Variants in GLIPR1L1 observed in about 807,000 individuals in gnomAD.
GLIPR1L1 encodes the protein GLIPR1 like 1, also known as GLIPR1-like protein 1.
Under a neutral mutation model 29.9 loss-of-function variants are expected in GLIPR1L1, and 26 were observed. That is an observed-to-expected ratio of 0.87 (90% CI 0.64 to 1.21). The LOEUF is 1.21. GLIPR1L1 is among the 50% of genes most tolerant of loss of function. GLIPR1L1 has a pLI of 0.00. For synonymous variants in GLIPR1L1, 77 were observed against 97.5 expected, an observed-to-expected ratio of 0.79 and a Z score of 1.24; for missense variants, 305 against 290.3, an observed-to-expected ratio of 1.05 and a Z score of -0.37.
rs536294474 is a variant in GLIPR1L1, at chr12:75,340,504, G to T, written c.175-3189G>T. On this transcript the variant is annotated intron_variant, in intron 1 of 5. Transcript: ENST00000378695. ...AACAGGAGAAAATCCTCAGGACAGG[G>T]CTAGATGAAACTTCCTCATATAATG... is the stretch of plus-strand genomic sequence containing the variant. Among the ~76,000 whole-genome samples, 3 of 151,828 alleles carry T rather than the reference G, an allele frequency of 2.0e-5. No homozygotes were observed. In the South Asian group the frequency reaches 6.2e-4, roughly 32 times the overall value.
intron 3 of GLIPR1L1, among the ~76,000 whole-genome samples, chr12:75,352,831 A>G (rs765969148): frequency 1.1e-4 from 17 of 152,194 alleles, no homozygotes; most frequent in Non-Finnish European, 2.2e-4. Flanking sequence ...TTAGAACTCA[A>G]TATTAAGAAA....
intron 3 of GLIPR1L1, among the ~76,000 whole-genome samples, chr12:75,356,491 A>C (rs1401821631): frequency 6.6e-6 from 1 of 152,214 alleles, no homozygotes; most frequent in African/African-American, 2.4e-5. Context: ...CGTGATAAGT[A>C]AAAGATGCAC....
intron 3 of GLIPR1L1, among the ~76,000 whole-genome samples, chr12:75,359,599 A>G (rs2043426868): frequency 1.3e-5 from 2 of 152,094 alleles, no homozygotes; most frequent in South Asian, 4.1e-4. Flanking sequence ...ACTGTAAAAT[A>G]TTCCCAACAT....
intron 1 of GLIPR1L1, among the ~76,000 whole-genome samples, chr12:75,338,540 TTAA>T (rs2041885546): frequency 6.6e-6 from 1 of 152,204 alleles, no homozygotes; most frequent in Admixed American, 6.5e-5. Flanking sequence ...GTAGGTTTTT[TTAA>T]TAATAGTTTT....
At chr12:75,336,465 GA>G (rs1486131272) in intron 1 of GLIPR1L1, among the ~76,000 whole-genome samples, 3 of 151,538 alleles carry the variant, frequency 2.0e-5, no homozygotes, top group African/African-American at 7.3e-5. Flanking sequence ...TAAAAAGATG[GA>G]AAAAATACAT....
At chr12:75,337,999 G>A (rs1462195998) in intron 1 of GLIPR1L1, among the ~76,000 whole-genome samples, 2 of 151,908 alleles carry the variant, frequency 1.3e-5, no homozygotes, top group African/African-American at 2.4e-5. Flanking sequence ...AATTAAATAC[G>A]TAATTTAAAA....
At chr12:75,354,992 A>T (rs1245684581) in intron 3 of GLIPR1L1, among the ~76,000 whole-genome samples, 1 of 152,228 alleles carries the variant, frequency 6.6e-6, no homozygotes, top group Non-Finnish European at 1.5e-5. Flanking sequence ...AGATGGATTA[A>T]AGGCTTAAAT....
intron 1 of GLIPR1L1, 58 bp from the exon 2 acceptor site, chr12:75,343,635 G>T: frequency 2.3e-6 from 3 of 1,286,388 alleles, no homozygotes; most frequent in Non-Finnish European, 3.2e-6. Context: ...ACAATAATTA[G>T]AATAATTTAA....
chr12:75,370,018 A>G, intron 5 of GLIPR1L1, 32 bp downstream of exon 5: 1 of 1,211,806 alleles, frequency 8.3e-7, no homozygotes. Context: ...TATTAATTAA[A>G]TTATTTCCTC....
At chr12:75,345,177 T>C (rs2042365860) in intron 2 of GLIPR1L1, among the ~76,000 whole-genome samples, 1 of 152,068 alleles carries the variant, frequency 6.6e-6, no homozygotes, top group Middle Eastern at 3.2e-3. Context: ...CAGACTCTCA[T>C]AACTATGAGA....
At chr12:75,355,167 G>A (rs1453463110) in intron 3 of GLIPR1L1, among the ~76,000 whole-genome samples, 1 of 152,134 alleles carries the variant, frequency 6.6e-6, no homozygotes, top group African/African-American at 2.4e-5. Context: ...CACAGCAAAA[G>A]AAACTATCAT....
intron 4 of GLIPR1L1, among the ~76,000 whole-genome samples, 181 bp downstream of exon 4, chr12:75,363,371 C>T (rs2043746713): frequency 6.6e-6 from 1 of 152,114 alleles, no homozygotes; most frequent in African/African-American, 2.4e-5. Context: ...CTGCTTTCTT[C>T]ACTGATTACT....
chr12:75,367,631 AT>A (rs1268314253), intron 4 of GLIPR1L1, among the ~76,000 whole-genome samples: 2 of 152,246 alleles, frequency 1.3e-5, no homozygotes, highest in South Asian at 2.1e-4. Context: ...GCCTTAAAAA[AT>A]TTAAATGCTT....
At chr12:75,348,642 C>A (rs559525121) in intron 3 of GLIPR1L1, among the ~76,000 whole-genome samples, 2 of 152,174 alleles carry the variant, frequency 1.3e-5, no homozygotes, top group Admixed American at 6.5e-5. Context: ...AAGCATCATA[C>A]TGCTTTGAAT....
At chr12:75,351,368 C>A (rs538666232) in intron 3 of GLIPR1L1, among the ~76,000 whole-genome samples, 1 of 152,206 alleles carries the variant, frequency 6.6e-6, no homozygotes, top group Non-Finnish European at 1.5e-5. Flanking sequence ...AAGATCAACC[C>A]CAAGACACAT....
intron 3 of GLIPR1L1, among the ~76,000 whole-genome samples, chr12:75,357,824 G>C (rs2043251547): frequency 6.6e-6 from 1 of 151,256 alleles, no homozygotes; most frequent in Admixed American, 6.6e-5. Flanking sequence ...ATTAAAATAA[G>C]AACATACGGG....
intron 4 of GLIPR1L1, among the ~76,000 whole-genome samples, chr12:75,365,818 C>A (rs1398838368): frequency 6.6e-6 from 1 of 152,060 alleles, no homozygotes. Flanking sequence ...TTAAGGCTAA[C>A]TATATGAGTA....
chr12:75,339,374 G>GT (rs928035068), intron 1 of GLIPR1L1, among the ~76,000 whole-genome samples: 6 of 151,808 alleles, frequency 4.0e-5, no homozygotes, highest in African/African-American at 9.7e-5. Context: ...TTTTTCATTT[G>GT]TTTTTTTGGC....
rs1411407556 is a variant in GLIPR1L1, at chr12:75,368,518, C to T, written c.611-1442C>T. Among the ~76,000 whole-genome samples the T allele has an allele frequency of 4.6e-5, 7 of 151,644 alleles. No individual in the cohort carries two copies. In the East Asian group the frequency reaches 9.7e-4, roughly 21 times the overall value. ...GTGATGCCCCAGGAATACAATATTA[C>T]GTTATTCTTTCATTCTTGTGATAAA... On this transcript the variant is annotated intron_variant, in intron 4 of 5. Transcript: ENST00000378695.
Sources: gnomAD v4.1 joint callset for allele counts (sites outside exome capture counted in the v4.1 genomes callset) on GRCh38, gnomAD v4.1.1 for gene constraint, MANE v1.5 for transcripts, NCBI Gene and HGNC (gene_info 2026-07-23, HGNC 2026-07-21) for gene names.